Variants in TRIO observed in about 807,000 individuals in gnomAD.
TRIO encodes the protein trio Rho guanine nucleotide exchange factor, also known as triple functional domain protein.
TRIO carries 58 observed loss-of-function variants against 351.9 expected under a neutral mutation model. That is an observed-to-expected ratio of 0.16 (90% CI 0.13 to 0.21). The LOEUF is 0.21. Ranked by LOEUF, TRIO falls within the 10% of genes least tolerant of loss-of-function variation. The pLI is 1.00. For missense variants in TRIO, 3,201 were observed against 4,027.8 expected (o/e 0.79, Z 5.56); for synonymous variants, 1,758 against 1,595.7 (o/e 1.10, Z -2.42).
At chr5:14,389,184 C>A in intron 24 of TRIO, 105 bp from the exon 25 acceptor site, 1 of 845,324 alleles carries the variant, frequency 1.2e-6, no homozygotes, top group Non-Finnish European at 1.8e-6. Flanking sequence ...CTTAGTTATA[C>A]TTTCACTTAT....
At chr5:14,315,537 CA>C (rs1240830487) in intron 8 of TRIO, among the ~76,000 whole-genome samples, 1 of 152,152 alleles carries the variant, frequency 6.6e-6, no homozygotes, top group Non-Finnish European at 1.5e-5. Flanking sequence ...AGGCGAGAGA[CA>C]CCACACCCGG....
chr5:14,201,969 G>A (rs1791139355), intron 1 of TRIO, among the ~76,000 whole-genome samples: 1 of 125,972 alleles, frequency 7.9e-6, no homozygotes. Flanking sequence ...GGCCTGTTGT[G>A]GGGTGGGGGG....
At chr5:14,226,408 C>G (rs1014720286) in intron 1 of TRIO, among the ~76,000 whole-genome samples, 11 of 152,150 alleles carry the variant, frequency 7.2e-5, no homozygotes, top group African/African-American at 2.7e-4. Flanking sequence ...CAGTTTCATG[C>G]AGCTTTCTGG....
intron 11 of TRIO, among the ~76,000 whole-genome samples, chr5:14,351,888 T>C (rs1743164339): frequency 6.6e-6 from 1 of 152,204 alleles, no homozygotes; most frequent in Non-Finnish European, 1.5e-5. Flanking sequence ...AACTGGAGGC[T>C]TGGTCCTTTC....
chr5:14,360,035 T>TCTTCCTTG lies in TRIO; in HGVS notation c.2391+511_2391+518dup, dbSNP rs542446818. Reference sequence around the variant, plus strand: ...CACCTTCTCTCTCTCCTACCTTTTCTCTTCCTTGCTTCCTCCCTTTCTCTT... The same window carrying TCTTCCTTG: ...CACCTTCTCTCTCTCCTACCTTTTCTCTTCCTTGCTTCCTTGCTTCCTCCCTTTCTCTT... On this transcript the variant is annotated intron_variant, in intron 13 of 56. Transcript: ENST00000344204. 1.6e-3 allele frequency among the ~76,000 whole-genome samples: 250 copies of TCTTCCTTG among 152,238 alleles called. 3 individuals are homozygous for TCTTCCTTG. Among genetic ancestry groups the TCTTCCTTG allele is most frequent in the African/African-American group, 5.8e-3 (239 of 41,552 alleles).
At chr5:14,271,395 A>T (rs1417038632) in intron 2 of TRIO, among the ~76,000 whole-genome samples, 2 of 152,154 alleles carry the variant, frequency 1.3e-5, no homozygotes, top group Non-Finnish European at 2.9e-5. Context: ...GTCATGGACG[A>T]TGAAGCCCTG....
rs1757982406 is a variant in TRIO at position 14,510,000 on chromosome 5, A to C, written c.*1578A>C. On this transcript the variant is annotated 3_prime_UTR_variant, in exon 57 of 57. Coordinates refer to ENST00000344204, the MANE Select transcript of TRIO (RefSeq NM_007118.4). The stretch of plus-strand genomic sequence containing the variant: ...AAATTGTACAGAAACTTTTTAAAAG[A>C]AATTGGATTCGAAACTGGATGTGTA... The C allele has an allele frequency of 6.6e-6, 1 of 152,272 alleles. No individual in the cohort carries two copies. Among genetic ancestry groups the C allele is most frequent in the Non-Finnish European group, 1.5e-5 (1 of 68,094 alleles). The allele number at this position is 152,272 out of a possible 1,614,324, so 9.4% of individuals were successfully genotyped here.
chr5:14,411,163 A>G (rs1749167256), intron 33 of TRIO, among the ~76,000 whole-genome samples: 1 of 152,198 alleles, frequency 6.6e-6, no homozygotes, highest in Admixed American at 6.5e-5. Flanking sequence ...GACACGGAAC[A>G]TGCATTTAAT....
At chr5:14,303,067 G>T (rs1738043145) in intron 7 of TRIO, among the ~76,000 whole-genome samples, 1 of 150,668 alleles carries the variant, frequency 6.6e-6, no homozygotes, top group East Asian at 2.0e-4. Context: ...GAGATGGGGG[G>T]TGTCAGTGGA....
At chr5:14,403,452 T>TGG (rs1748347545) in intron 31 of TRIO, among the ~76,000 whole-genome samples, 2 of 98,060 alleles carry the variant, frequency 2.0e-5, no homozygotes, top group African/African-American at 4.4e-5. Flanking sequence ...AGGGTGTAGG[T>TGG]TGTGGTGAGG....
intron 53 of TRIO, 56 bp from the exon 54 acceptor site, chr5:14,502,523 C>G (rs1235497159): frequency 8.2e-6 from 13 of 1,594,958 alleles, no homozygotes; most frequent in Non-Finnish European, 1.7e-6. Flanking sequence ...CGATAGCCTT[C>G]TTACCCAAGA....
At chr5:14,149,298 A>T (rs930038079) in intron 1 of TRIO, among the ~76,000 whole-genome samples, 4 of 152,114 alleles carry the variant, frequency 2.6e-5, no homozygotes, top group African/African-American at 9.7e-5. Context: ...CAGCTTTTTG[A>T]TGTTACTGAG....
At chr5:14,211,575 TGAGCACAC>T (rs1791895329) in intron 1 of TRIO, among the ~76,000 whole-genome samples, 1 of 148,104 alleles carries the variant, frequency 6.8e-6, no homozygotes, top group African/African-American at 2.5e-5. Flanking sequence ...AGAGCTTTCC[TGAGCACAC>T]TCAGTTGTTT....
chr5:14,470,473 T>G (rs1024290258), intron 37 of TRIO, among the ~76,000 whole-genome samples: 2 of 152,224 alleles, frequency 1.3e-5, no homozygotes, highest in Non-Finnish European at 2.9e-5. Flanking sequence ...AAATCTTATG[T>G]GTTCTGTGAA....
intron 9 of TRIO, among the ~76,000 whole-genome samples, chr5:14,326,112 A>G (rs942271014): frequency 1.3e-5 from 2 of 152,318 alleles, no homozygotes; most frequent in Middle Eastern, 6.8e-3. Flanking sequence ...ATAAAGTCAC[A>G]GAGGGCCCTG....
At position 14,390,259 on chromosome 5, in the gene TRIO, G is replaced by T; in HGVS notation, c.4087G>T (p.Glu1363Ter). Residue 1363 changes from glutamate (E) to a stop codon, truncating the protein, a stop_gained, in exon 26 of 57, where the codon GAA (glutamate) becomes TAA (stop). Coordinates refer to ENST00000344204, the MANE Select transcript of TRIO (RefSeq NM_007118.4). LOFTEE classifies it high-confidence loss of function. Reference sequence around the variant, plus strand: ...ATTCCTAAAGGAGCTGGAAAAATATGAACAGTTGCCAGAGGATGTTGGACA... The same window carrying T: ...ATTCCTAAAGGAGCTGGAAAAATATTAACAGTTGCCAGAGGATGTTGGACA... ...NIFLKELEKY[E>*]QLPEDVGHCF... is the part of the protein sequence containing the mutation. 1 of 1,614,002 alleles carries T rather than the reference G, an allele frequency of 6.2e-7. No homozygotes were observed. The highest frequency in any genetic ancestry group is 1.1e-5 in the South Asian group (1 of 91,000).
chr5:14,448,104 C>T (rs973470171), intron 34 of TRIO, among the ~76,000 whole-genome samples: 11 of 152,308 alleles, frequency 7.2e-5, no homozygotes, highest in Middle Eastern at 6.8e-3. Flanking sequence ...TAGTCTCATA[C>T]GCATGCTGAA....
chr5:14,491,502 C>T (rs1756480205), intron 48 of TRIO, among the ~76,000 whole-genome samples: 1 of 152,206 alleles, frequency 6.6e-6, no homozygotes, highest in Admixed American at 6.5e-5. Context: ...GGGCAAGATG[C>T]AGCTTCAGGC....
chr5:14,442,720 G>A lies in TRIO; in HGVS notation c.5204-18299G>A, dbSNP rs539984977. Among the ~76,000 whole-genome samples the A allele has an allele frequency of 3.3e-5, 5 of 152,298 alleles. No individual in the cohort carries two copies. In the East Asian group the frequency reaches 5.8e-4, roughly 18 times the overall value. On this transcript the variant is annotated intron_variant, in intron 34 of 56. Coordinates refer to ENST00000344204, the MANE Select transcript of TRIO (RefSeq NM_007118.4). Reference sequence around the variant, plus strand: ...GCGCTAGGAATTCCTGCACTGGGTGGGTTAAAGTAGATGATGCATCTGCTC... The same window carrying A: ...GCGCTAGGAATTCCTGCACTGGGTGAGTTAAAGTAGATGATGCATCTGCTC...
Sources: allele counts gnomAD v4.1 joint callset (sites outside exome capture counted in the v4.1 genomes callset), GRCh38; gene constraint gnomAD v4.1.1; transcripts MANE v1.5; gene names NCBI Gene and HGNC (gene_info 2026-07-23, HGNC 2026-07-21).